Variants in TOPAZ1 observed in about 807,000 individuals in gnomAD.
The protein encoded by TOPAZ1 is protein TOPAZ1.
A neutral mutation model predicts 172.2 loss-of-function variants in TOPAZ1; 66 were observed. That is an observed-to-expected ratio of 0.38 (90% CI 0.31 to 0.47). The LOEUF is 0.47. Among genes scored for constraint, TOPAZ1 ranks in the 20% least tolerant of loss-of-function variants. The pLI, the probability that TOPAZ1 is intolerant of heterozygous loss-of-function variation, is 0.99. For synonymous variants in TOPAZ1, 681 were observed against 683.9 expected (o/e 1.00, Z 0.07); for missense variants, 1,822 against 1,972.4 (o/e 0.92, Z 1.44).
rs1369865630 is a variant in TOPAZ1 at position 44,244,037 on chromosome 3, T to A, written c.1531T>A (p.Ser511Thr). The part of the protein sequence containing the change: ...RISAWCWKKA[S>T]LPESSYFLRG... ...ATCTGCCTGGTGTTGGAAAAAGGCT[T>A]CCTTGCCAGAATCAAGTTACTTTCT... is the stretch of plus-strand genomic sequence containing the variant. Residue 511 changes from serine (S) to threonine (T), a missense_variant, in exon 2 of 20, where the codon TCC becomes ACC. Ser to Thr is a moderately conservative substitution (Grantham distance 58). Around this residue, in one of 2 missense-constraint regions of TOPAZ1, gnomAD observed 1,489 missense variants for 1,490.8 expected, o/e 1.00. Coordinates refer to ENST00000309765, the MANE Select transcript of TOPAZ1 (RefSeq NM_001145030.2). The A allele has an allele frequency of 1.3e-6, 2 of 1,551,826 alleles. No homozygotes were observed.
rs1449619343 is a variant in TOPAZ1 at position 44,304,150 on chromosome 3, A to G, written c.3864+69A>G. 5.5e-6 allele frequency: 5 copies of G among 915,766 alleles called. No homozygotes were observed. In the Admixed American group the frequency reaches 8.1e-5, roughly 15 times the overall value. 56.7% of individuals were successfully genotyped at this position (915,766 alleles called of 1,614,324 possible). On this transcript the variant is annotated intron_variant, in intron 13 of 19. Transcript: ENST00000309765. ...AATCAATAGCAACAAAAAAGGTTTG[A>G]ATAATAACCCCATTTTATGAAAAGT...
intron 12 of TOPAZ1, 33 bp downstream of exon 12, chr3:44,290,919 A>G (rs1377053728): frequency 7.2e-7 from 1 of 1,385,714 alleles, no homozygotes; most frequent in Non-Finnish European, 9.9e-7. Flanking sequence ...AAGCCAAAAT[A>G]TATGTGTCTT....
intron 8 of TOPAZ1, among the ~76,000 whole-genome samples, chr3:44,274,400 CAAAAA>C (rs762628782): frequency 8.3e-6 from 1 of 120,078 alleles, no homozygotes; most frequent in African/African-American, 3.3e-5. Flanking sequence ...GACTCCCTCT[CAAAAA>C]AAAAAGAAAA....
At chr3:44,315,954 G>A (rs982959613) in intron 16 of TOPAZ1, among the ~76,000 whole-genome samples, 8 of 151,940 alleles carry the variant, frequency 5.3e-5, no homozygotes, top group African/African-American at 1.9e-4. Context: ...AACATTTAAG[G>A]CCAGGCACAG....
At chr3:44,263,268 A>G (rs1699794634) in intron 5 of TOPAZ1, among the ~76,000 whole-genome samples, 1 of 152,210 alleles carries the variant, frequency 6.6e-6, no homozygotes. Context: ...GGAAGATACT[A>G]AAGAAAAAGC....
intron 4 of TOPAZ1, among the ~76,000 whole-genome samples, chr3:44,258,494 A>G (rs1699740117): frequency 6.6e-6 from 1 of 151,898 alleles, no homozygotes; most frequent in East Asian, 1.9e-4. Flanking sequence ...ACAACCACAT[A>G]TCTGTTCTGC....
At chr3:44,245,405 T>G in intron 2 of TOPAZ1, 134 bp downstream of exon 2, 1 of 837,938 alleles carries the variant, frequency 1.2e-6, no homozygotes, top group Non-Finnish European at 1.7e-6. Context: ...AAATGTTATA[T>G]ACCATTATTA....
At chr3:44,257,864 T>TA (rs1256891280) in intron 4 of TOPAZ1, among the ~76,000 whole-genome samples, 3 of 152,208 alleles carry the variant, frequency 2.0e-5, no homozygotes, top group Admixed American at 2.0e-4. Flanking sequence ...ACCACAAAGA[T>TA]ATCCCTTATG....
intron 4 of TOPAZ1, among the ~76,000 whole-genome samples, chr3:44,262,038 A>G (rs1315107112): frequency 6.6e-6 from 1 of 152,178 alleles, no homozygotes; most frequent in Non-Finnish European, 1.5e-5. Flanking sequence ...ACATTTAAAT[A>G]TTTCTTATGA....
At chr3:44,335,825 G>T (rs74927847), downstream of TOPAZ1, among the ~76,000 whole-genome samples, 1,544 of 152,250 alleles carry the variant, frequency 0.01, 24 homozygotes, top group African/African-American at 0.036. Context: ...GACTGTTCCT[G>T]AGTTCCCTTG....
At chr3:44,258,485 C>G (rs982959348) in intron 4 of TOPAZ1, among the ~76,000 whole-genome samples, 2 of 152,174 alleles carry the variant, frequency 1.3e-5, no homozygotes, top group African/African-American at 4.8e-5. Context: ...TAACCCTGGA[C>G]AACCACATAT....
Position 44,287,738 on chromosome 3 carries a change from T to C in TOPAZ1, c.3589-9T>C. ...CTGAAAATGAGTGTAATTTTTTTGTTTTATCCAGCCTTCTCTGAAAATATT... is the reference window on the plus strand; with the variant it reads ...CTGAAAATGAGTGTAATTTTTTTGTCTTATCCAGCCTTCTCTGAAAATATT... On this transcript the variant is annotated splice_polypyrimidine_tract_variant and intron_variant, in intron 10 of 19. Transcript: ENST00000309765. 1 of 1,414,610 alleles carries C rather than the reference T, an allele frequency of 7.1e-7. No individual in the cohort carries two copies. 87.6% of individuals were successfully genotyped at this position (1,414,610 alleles called of 1,614,324 possible).
rs188270494 is a variant in TOPAZ1 at position 44,267,020 on chromosome 3, T to C, written c.3044T>C (p.Phe1015Ser). Residue 1015 changes from phenylalanine (F) to serine (S), a missense_variant, in exon 6 of 20, where the codon TTT becomes TCT. Phe to Ser is a radical substitution (Grantham distance 155). This residue lies in a region of TOPAZ1 where 1,489 missense variants were observed against 1,490.8 expected (regional missense o/e 1.00). Coordinates refer to ENST00000309765, the MANE Select transcript of TOPAZ1 (RefSeq NM_001145030.2). ...CKSKDSRNAD[F>S]MVGECQFAVP... Reference sequence around the variant, plus strand: ...AGCAAAGATTCTAGAAATGCAGACTTTATGGTCGGCGAATGTCAATTTGCA... The same window carrying C: ...AGCAAAGATTCTAGAAATGCAGACTCTATGGTCGGCGAATGTCAATTTGCA... 3.0e-4 allele frequency: 459 copies of C among 1,545,692 alleles called. No homozygotes were observed. The African/African-American group carries it at 5.7e-3, about 19-fold the overall frequency.
chr3:44,253,150 GGTTT>G (rs1194123316), intron 2 of TOPAZ1, among the ~76,000 whole-genome samples: 1 of 152,260 alleles, frequency 6.6e-6, no homozygotes, highest in East Asian at 1.9e-4. Flanking sequence ...TTTACCTTCT[GGTTT>G]GCAAAGCTTT....
intron 2 of TOPAZ1, 123 bp from the exon 3 acceptor site, chr3:44,254,845 T>A: frequency 1.7e-6 from 1 of 601,560 alleles, no homozygotes; most frequent in Non-Finnish European, 2.9e-6. Flanking sequence ...GTAAGTACTC[T>A]GCCCTGGAGG....
chr3:44,302,121 T>C (rs1188592230), intron 12 of TOPAZ1, among the ~76,000 whole-genome samples: 2 of 152,162 alleles, frequency 1.3e-5, no homozygotes, highest in Non-Finnish European at 2.9e-5. Context: ...TATTAAAATA[T>C]CCATCTTGGC....
intron 6 of TOPAZ1, among the ~76,000 whole-genome samples, chr3:44,267,948 T>C (rs1022922817): frequency 6.6e-6 from 1 of 152,236 alleles, no homozygotes; most frequent in Non-Finnish European, 1.5e-5. Flanking sequence ...TGCAAATTAC[T>C]GTGAAGTTAT....
chr3:44,243,927 C>A lies in TOPAZ1; in HGVS notation c.1421C>A (p.Ala474Glu). ...TCTTCACGGGAAGACTTAAGAAGTGCATCTGAAGAATTGAAGTTAAGCTGT... is the reference window on the plus strand; with the variant it reads ...TCTTCACGGGAAGACTTAAGAAGTGAATCTGAAGAATTGAAGTTAAGCTGT... ...RRSSREDLRSASEELKLSCQR... is the reference protein window; with the variant it reads ...RRSSREDLRSESEELKLSCQR... The change falls in exon 2 of 20, where the codon GCA becomes GAA. Residue 474 changes from alanine (A) to glutamate (E), a missense_variant. By Grantham distance (107) the Ala-to-Glu change is moderately radical. Coordinates refer to ENST00000309765, the MANE Select transcript of TOPAZ1 (RefSeq NM_001145030.2). 3.2e-6 allele frequency: 5 copies of A among 1,552,244 alleles called. No homozygotes were observed. The highest frequency in any genetic ancestry group is 4.4e-6 in the Non-Finnish European group (5 of 1,147,082).
At chr3:44,250,478 G>A (rs1302408139) in intron 2 of TOPAZ1, among the ~76,000 whole-genome samples, 1 of 151,830 alleles carries the variant, frequency 6.6e-6, no homozygotes, top group Admixed American at 6.6e-5. Flanking sequence ...CCCTGTGCTA[G>A]ATACATTACT....
Sources: allele counts gnomAD v4.1 joint callset (sites outside exome capture counted in the v4.1 genomes callset), GRCh38; gene constraint gnomAD v4.1.1; regional missense constraint gnomAD v4.1.1; transcripts MANE v1.5; gene names NCBI Gene and HGNC (gene_info 2026-07-23, HGNC 2026-07-21).